The following FUBP3 variants were observed in gnomAD, a reference collection of about 807,000 sequenced individuals.
FUBP3 encodes the protein far upstream element binding protein 3, also known as far upstream element-binding protein 3.
FUBP3 carries 28 observed loss-of-function variants against 85.6 expected under a neutral mutation model. The observed-to-expected ratio is 0.33, with a 90% CI of 0.24 to 0.45. The LOEUF is 0.45. FUBP3 is among the 20% of genes least tolerant of loss of function. The pLI, the probability that FUBP3 is intolerant of heterozygous loss-of-function variation, is 1.00. For missense variants in FUBP3, 583 were observed against 755.1 expected, an observed-to-expected ratio of 0.77 and a Z score of 2.67; for synonymous variants, 271 against 271.4, an observed-to-expected ratio of 1.00 and a Z score of 0.01.
In FUBP3 at chr9:130,589,591, G is replaced by A. The variant is rs749499800; in HGVS notation, c.85-5892G>A. 1.8e-3 allele frequency among the ~76,000 whole-genome samples: 265 copies of A among 148,586 alleles called. 1 individual carries two copies. The highest frequency in any genetic ancestry group is 2.8e-3 in the Non-Finnish European group (186 of 67,536). ...ACTCCTGAGCTCAAGTGATCCACCAGCCTTGGCCTCCCAAAGTGCTGGGAT... is the reference window on the plus strand; with the variant it reads ...ACTCCTGAGCTCAAGTGATCCACCAACCTTGGCCTCCCAAAGTGCTGGGAT... On this transcript the variant is annotated intron_variant, in intron 1 of 18. Transcript: ENST00000319725.
rs1830471970 is a variant in FUBP3 at position 130,637,963 on chromosome 9, A to G, written c.*941A>G. 1 of 152,552 alleles carries G rather than the reference A, an allele frequency of 6.6e-6. No homozygotes were observed. The allele number at this position is 152,552 out of a possible 1,614,324, so 9.4% of individuals were successfully genotyped here. A position where few individuals can be genotyped will look rare whatever the true frequency, so the allele number is the denominator to read the frequency against. On this transcript the variant is annotated 3_prime_UTR_variant, in exon 19 of 19. Transcript: ENST00000319725. Reference sequence around the variant, plus strand: ...CTTAATATTTTGTCAGATTAACTAGATGAATAAATAAATCTAGTATTAACC... The same window carrying G: ...CTTAATATTTTGTCAGATTAACTAGGTGAATAAATAAATCTAGTATTAACC...
intron 1 of FUBP3, among the ~76,000 whole-genome samples, chr9:130,590,200 T>C (rs535778434): frequency 1.6e-4 from 24 of 152,260 alleles, no homozygotes; most frequent in Admixed American, 5.9e-4. Context: ...CATTCATCCG[T>C]GTATCTCCCA....
At position 130,603,976 on chromosome 9, in the gene FUBP3, G is replaced by A. The variant is rs73656450; in HGVS notation, c.191-5978G>A. On this transcript the variant is annotated intron_variant, in intron 2 of 18. Transcript: ENST00000319725. ...GCTTTATTCATAATAGTCCCAAACTGAAAACAGCCCACGTGTCCTTCAACT... is the reference window on the plus strand; with the variant it reads ...GCTTTATTCATAATAGTCCCAAACTAAAAACAGCCCACGTGTCCTTCAACT... Among the ~76,000 whole-genome samples the A allele has an allele frequency of 9.7e-3, 1,474 of 152,246 alleles. 29 individuals are homozygous for A. Among genetic ancestry groups the A allele is most frequent in the African/African-American group, 0.034 (1,402 of 41,542 alleles).
intron 11 of FUBP3, among the ~76,000 whole-genome samples, chr9:130,624,619 G>GTGTA (rs1262196269): frequency 1.4e-5 from 2 of 147,600 alleles, no homozygotes; most frequent in South Asian, 2.1e-4. Context: ...TTGTGTGTGT[G>GTGTA]TGTGTGTGTG....
intron 16 of FUBP3, among the ~76,000 whole-genome samples, chr9:130,633,548 C>T (rs1184336123): frequency 1.3e-5 from 2 of 152,236 alleles, no homozygotes; most frequent in South Asian, 2.1e-4. Flanking sequence ...GCAGGAGGCA[C>T]CCGGTGGTCT....
At chr9:130,636,963 G>A (rs1368524694) in intron 18 of FUBP3, 51 bp from the exon 19 acceptor site, 2 of 1,581,184 alleles carry the variant, frequency 1.3e-6, no homozygotes, top group Non-Finnish European at 1.7e-6. Flanking sequence ...CTGGCACACA[G>A]ACCTGAGAAC....
chr9:130,591,958 G>A (rs529680208), intron 1 of FUBP3, among the ~76,000 whole-genome samples: 12 of 152,212 alleles, frequency 7.9e-5, no homozygotes, highest in Admixed American at 2.0e-4. Flanking sequence ...AGGGCCAGGC[G>A]CAGTGGCTTA....
chr9:130,604,616 C>T (rs1831324878), intron 2 of FUBP3, among the ~76,000 whole-genome samples: 1 of 152,184 alleles, frequency 6.6e-6, no homozygotes, highest in South Asian at 2.1e-4. Flanking sequence ...AAATACTACT[C>T]CCGGGCCTGG....
rs149010101 is a variant in FUBP3, at chr9:130,583,862, T to A, written c.84+4098T>A. 3.7e-3 allele frequency among the ~76,000 whole-genome samples: 566 copies of A among 152,296 alleles called. 6 individuals are homozygous for A. Among genetic ancestry groups the A allele is most frequent in the African/African-American group, 0.013 (528 of 41,554 alleles). ...GTATGTCTCTAAGGCTTTTCTCATT[T>A]GCAGATGAGAACATTTATAATGTGA... On this transcript the variant is annotated intron_variant, in intron 1 of 18. Coordinates refer to ENST00000319725, the MANE Select transcript of FUBP3 (RefSeq NM_003934.2).
At chr9:130,610,603 G>A (rs2119067613) in intron 3 of FUBP3, among the ~76,000 whole-genome samples, 1 of 152,252 alleles carries the variant, frequency 6.6e-6, no homozygotes, top group Middle Eastern at 3.4e-3. Context: ...TGTAAGATGG[G>A]GTATGTGTGG....
intron 2 of FUBP3, among the ~76,000 whole-genome samples, chr9:130,606,768 C>T (rs1831476946): frequency 1.3e-5 from 2 of 151,720 alleles, no homozygotes; most frequent in South Asian, 2.1e-4. Flanking sequence ...TGTGGTAAGC[C>T]GAGATCACGC....
intron 2 of FUBP3, among the ~76,000 whole-genome samples, chr9:130,607,403 G>A (rs867249160): frequency 3.9e-5 from 6 of 152,066 alleles, no homozygotes; most frequent in Middle Eastern, 3.4e-3. Context: ...CAAGGGAAAC[G>A]AGAACTACAC....
At chr9:130,632,353 C>T in intron 16 of FUBP3, 75 bp downstream of exon 16, 1 of 1,127,662 alleles carries the variant, frequency 8.9e-7, no homozygotes. Flanking sequence ...GCCAAAACGC[C>T]CTCGTTCAAC....
At chr9:130,589,211 G>A (rs1830477691) in intron 1 of FUBP3, among the ~76,000 whole-genome samples, 1 of 151,982 alleles carries the variant, frequency 6.6e-6, no homozygotes, top group Non-Finnish European at 1.5e-5. Flanking sequence ...TTTTAGTCTT[G>A]AAAATGTGTA....
intron 11 of FUBP3, among the ~76,000 whole-genome samples, chr9:130,624,754 G>A (rs1479995815): frequency 6.6e-6 from 1 of 151,964 alleles, no homozygotes; most frequent in African/African-American, 2.4e-5. Context: ...GAACACCCCT[G>A]CTCTAAATGA....
intron 8 of FUBP3, among the ~76,000 whole-genome samples, chr9:130,620,126 T>C (rs2119091771): frequency 6.6e-6 from 1 of 152,346 alleles, no homozygotes; most frequent in South Asian, 2.1e-4. Flanking sequence ...AGGCTTTTTA[T>C]AGAAGGTGGA....
chr9:130,602,697 G>A (rs749017626), intron 2 of FUBP3, among the ~76,000 whole-genome samples: 1 of 152,220 alleles, frequency 6.6e-6, no homozygotes, highest in Non-Finnish European at 1.5e-5. Flanking sequence ...GAGGGGTTAG[G>A]AGGAAGGTTT....
chr9:130,626,539 A>T, intron 12 of FUBP3, 34 bp downstream of exon 12: 1 of 1,606,180 alleles, frequency 6.2e-7, no homozygotes. Context: ...ATCCCCCCTC[A>T]GCTGTTTGGC....
Position 130,616,659 on chromosome 9 carries a change from TGACA to T in FUBP3, c.567+148_567+151del, listed in dbSNP as rs773568156. Reference sequence around the variant, plus strand: ...TGTGCTGAGGCTTCCTTCCTCCATTTGACAGACAGCTTCTGAACATACACCACGG... The same window carrying T: ...TGTGCTGAGGCTTCCTTCCTCCATTTGACAGCTTCTGAACATACACCACGG... On this transcript the variant is annotated intron_variant, in intron 7 of 18. Transcript: ENST00000319725. The surrounding 1 kb of genome is among the most constrained non-coding windows in gnomAD (Gnocchi z 4.7). The T allele has an allele frequency of 4.8e-5, 35 of 732,278 alleles. No homozygotes were observed. Among genetic ancestry groups the T allele is most frequent in the Admixed American group, 1.0e-4 (4 of 38,870 alleles). 45.4% of individuals were successfully genotyped at this position (732,278 alleles called of 1,614,324 possible). A position where few individuals can be genotyped will look rare whatever the true frequency, so the allele number is the denominator to read the frequency against.
Sources: allele counts gnomAD v4.1 joint callset (sites outside exome capture counted in the v4.1 genomes callset), GRCh38; gene constraint gnomAD v4.1.1; non-coding constraint Gnocchi (gnomAD v3.1); transcripts MANE v1.5; gene names NCBI Gene and HGNC (gene_info 2026-07-23, HGNC 2026-07-21).